Variants in SGK3 observed in about 807,000 individuals in gnomAD.
SGK3 encodes the protein serum/glucocorticoid regulated kinase family member 3, also known as serine/threonine-protein kinase Sgk3.
In SGK3, 47 loss-of-function variants were observed where a neutral mutation model predicts 68.5. The observed-to-expected ratio is 0.69, with a 90% CI of 0.54 to 0.87. The LOEUF (loss-of-function observed/expected upper bound fraction) is 0.87, where lower values mean the gene tolerates loss of function less well. Among genes scored for constraint, SGK3 ranks in the 40% least tolerant of loss-of-function variants. The pLI is 0.00. For synonymous variants in SGK3, 181 were observed against 189.1 expected (o/e 0.96, Z 0.35); for missense variants, 479 against 575.5 (o/e 0.83, Z 1.72).
chr8:66,799,862 G>A (rs1807859263), intron 3 of SGK3, among the ~76,000 whole-genome samples: 1 of 152,144 alleles, frequency 6.6e-6, no homozygotes, highest in Non-Finnish European at 1.5e-5. Context: ...GGCCTCATGT[G>A]ATCCGCCCAC....
chr8:66,793,956 T>G (rs1180242527), intron 2 of SGK3, 124 bp downstream of exon 2: 2 of 1,025,594 alleles, frequency 2.0e-6, no homozygotes, highest in Non-Finnish European at 2.8e-6. Flanking sequence ...TTTTACTTCT[T>G]TCACATGATC....
chr8:66,734,353 G>A (rs1258014690), intron 1 of SGK3, among the ~76,000 whole-genome samples: 2 of 149,844 alleles, frequency 1.3e-5, no homozygotes, highest in East Asian at 2.0e-4. Context: ...ATAATGCTAT[G>A]TGGAATTTTA....
At chr8:66,795,880 A>G (rs906021974) in intron 2 of SGK3, among the ~76,000 whole-genome samples, 37 of 151,884 alleles carry the variant, frequency 2.4e-4, no homozygotes, top group African/African-American at 9.0e-4. Flanking sequence ...ATGTTTGTTT[A>G]TATGTGCCTT....
Position 66,774,420 on chromosome 8 carries a change from A to C in SGK3, c.-121-19196A>C, listed in dbSNP as rs551144805. Reference sequence around the variant, plus strand: ...TCAAGTGATCTTCCTGACTCAGCCCATGGAGTAGCTGGGACTGTAGGAACT... The same window carrying C: ...TCAAGTGATCTTCCTGACTCAGCCCCTGGAGTAGCTGGGACTGTAGGAACT... On this transcript the variant is annotated intron_variant, in intron 1 of 16. Coordinates refer to ENST00000521198, the MANE Select transcript of SGK3 (RefSeq NM_001033578.3). Among the ~76,000 whole-genome samples, 5 of 152,206 alleles carry C rather than the reference A, an allele frequency of 3.3e-5. No homozygotes were observed. In the South Asian group the frequency reaches 1.0e-3, roughly 32 times the overall value.
At chr8:66,762,690 C>T (rs977537584) in intron 1 of SGK3, among the ~76,000 whole-genome samples, 1 of 152,086 alleles carries the variant, frequency 6.6e-6, no homozygotes, top group African/African-American at 2.4e-5. Flanking sequence ...AAATAAGATC[C>T]ATACAATTGG....
intron 4 of SGK3, among the ~76,000 whole-genome samples, chr8:66,807,918 A>T (rs1808229027): frequency 6.6e-6 from 1 of 152,238 alleles, no homozygotes; most frequent in South Asian, 2.1e-4. Flanking sequence ...ACTTGTAAAA[A>T]GGAACAAAAA....
chr8:66,844,310 T>C (rs1212125503), intron 14 of SGK3, among the ~76,000 whole-genome samples: 1 of 152,218 alleles, frequency 6.6e-6, no homozygotes, highest in Non-Finnish European at 1.5e-5. Flanking sequence ...GCTCAGCTTT[T>C]CCCATGATTG....
In SGK3 at chr8:66,730,626, G is replaced by A. The variant is rs546199968; in HGVS notation, c.-122+17793G>A. ...TGTTTTGAGTTAATTTTTGTTTATG[G>A]TGTGAGGTAGGGGTCCAACTTCATT... On this transcript the variant is annotated intron_variant, in intron 1 of 16. Coordinates refer to ENST00000521198, the MANE Select transcript of SGK3 (RefSeq NM_001033578.3). 6.6e-5 allele frequency among the ~76,000 whole-genome samples: 10 copies of A among 152,164 alleles called. No homozygotes were observed. In the South Asian group the frequency reaches 1.0e-3, roughly 16 times the overall value.
intron 1 of SGK3, among the ~76,000 whole-genome samples, chr8:66,732,848 A>G (rs61080934): frequency 6.6e-6 from 1 of 151,980 alleles, no homozygotes; most frequent in East Asian, 1.9e-4. Context: ...GACCACATAA[A>G]TTTTATTAAA....
Position 66,838,178 on chromosome 8 carries a change from G to GC in SGK3, c.742-1823dup, listed in dbSNP as rs752243148. Among the ~76,000 whole-genome samples the GC allele has an allele frequency of 4.6e-5, 7 of 152,132 alleles. No individual in the cohort carries two copies. The South Asian group carries it at 1.2e-3, about 27-fold the overall frequency. ...ACTCCCTGGTTCAAGCGATTCTCCT[G>GC]CCTCAACCTCCCGAGTAGCTGGGAT... On this transcript the variant is annotated intron_variant, in intron 10 of 16. Transcript: ENST00000521198.
At chr8:66,784,047 G>A (rs1301635776) in intron 1 of SGK3, among the ~76,000 whole-genome samples, 1 of 151,988 alleles carries the variant, frequency 6.6e-6, no homozygotes, top group Non-Finnish European at 1.5e-5. Context: ...ACAGGTACGT[G>A]CCACCATGCC....
intron 10 of SGK3, 97 bp downstream of exon 10, chr8:66,836,171 A>G: frequency 6.9e-7 from 1 of 1,453,110 alleles, no homozygotes; most frequent in East Asian, 2.3e-5. Flanking sequence ...GTATAAAATC[A>G]GTAGCTTTTT....
intron 16 of SGK3, among the ~76,000 whole-genome samples, chr8:66,858,257 A>G (rs1432224469): frequency 1.3e-5 from 2 of 151,968 alleles, no homozygotes; most frequent in Admixed American, 6.6e-5. Flanking sequence ...CGAGGTCAGG[A>G]GATCAAGACC....
intron 16 of SGK3, among the ~76,000 whole-genome samples, chr8:66,853,055 A>T (rs1311071230): frequency 2.0e-5 from 3 of 152,120 alleles, no homozygotes; most frequent in Admixed American, 6.5e-5. Context: ...TTTTTCTTTC[A>T]CAACATGAGC....
In SGK3 at chr8:66,793,636, C is replaced by G. The variant is rs1807555548; in HGVS notation, c.-101C>G. 9.8e-7 allele frequency: 1 copy of G among 1,017,278 alleles called. No homozygotes were observed. Among genetic ancestry groups the G allele is most frequent in the East Asian group, 3.0e-5 (1 of 33,660 alleles). The allele number at this position is 1,017,278 out of a possible 1,614,324, so 63.0% of individuals were successfully genotyped here. A position where few individuals can be genotyped will look rare whatever the true frequency, so the allele number is the denominator to read the frequency against. On this transcript the variant is annotated 5_prime_UTR_variant, in exon 2 of 17. Coordinates refer to ENST00000521198, the MANE Select transcript of SGK3 (RefSeq NM_001033578.3). ...TTAAGGTTGCATGATGGAATTTGAA[C>G]ATTACTTCAAGAGGTTTTGTATTTT...
Position 66,714,497 on chromosome 8 carries a change from T to C in SGK3, c.-122+1664T>C, listed in dbSNP as rs552504217. ...AGCTTTCTGACTCCCTCACTCCCTT[T>C]CTGTGCCCCCCTCCCTTATCTCTCT... On this transcript the variant is annotated intron_variant, in intron 1 of 16. Transcript: ENST00000521198. 2.0e-5 allele frequency among the ~76,000 whole-genome samples: 3 copies of C among 152,338 alleles called. No homozygotes were observed. In the South Asian group the frequency reaches 6.2e-4, roughly 32 times the overall value.
chr8:66,762,006 A>G (rs1276088002), intron 1 of SGK3, among the ~76,000 whole-genome samples: 1 of 152,216 alleles, frequency 6.6e-6, no homozygotes, highest in Non-Finnish European at 1.5e-5. Context: ...TTTAAGTATT[A>G]GCTCTATAAC....
At chr8:66,821,909 A>T (rs537789791) in intron 5 of SGK3, among the ~76,000 whole-genome samples, 1 of 151,576 alleles carries the variant, frequency 6.6e-6, no homozygotes, top group Non-Finnish European at 1.5e-5. Flanking sequence ...TTTACCAAGT[A>T]TTGCCAGATT....
intron 1 of SGK3, among the ~76,000 whole-genome samples, chr8:66,773,882 A>G (rs999489560): frequency 6.6e-6 from 1 of 152,232 alleles, no homozygotes; most frequent in Non-Finnish European, 1.5e-5. Context: ...CTGTTGGTCA[A>G]AAAAAGAAAA....
Sources: allele counts gnomAD v4.1 joint callset (sites outside exome capture counted in the v4.1 genomes callset), GRCh38; gene constraint gnomAD v4.1.1; transcripts MANE v1.5; gene names NCBI Gene and HGNC (gene_info 2026-07-23, HGNC 2026-07-21).